SLC39A9: variants seen among roughly 807,000 people sequenced by gnomAD.
SLC39A9 encodes the protein zinc transporter ZIP9.
SLC39A9 carries 14 observed loss-of-function variants against 28.4 expected under a neutral mutation model. The ratio of observed to expected loss-of-function variants is 0.49; its 90% confidence interval spans 0.33 to 0.77. SLC39A9 has a LOEUF of 0.77. SLC39A9 is among the 30% of genes least tolerant of loss of function. The pLI is 0.02. For synonymous variants in SLC39A9, 119 were observed against 149.6 expected, an observed-to-expected ratio of 0.80 and a Z score of 1.49; for missense variants, 283 against 381.1, an observed-to-expected ratio of 0.74 and a Z score of 2.14.
Position 69,442,196 on chromosome 14 carries a change from C to G in SLC39A9, c.333C>G (p.Ser111=). The change falls in exon 3 of 7, where the codon TCC becomes TCG. Residue 111 remains serine (S), a synonymous_variant. Coordinates refer to ENST00000336643, the MANE Select transcript of SLC39A9 (RefSeq NM_018375.5). ...AGCTGCATGCCTATATTGGTGTTTCCCTCGTTCTGGGCTTCGTTTTCATGT... is the reference window on the plus strand; with the variant it reads ...AGCTGCATGCCTATATTGGTGTTTCGCTCGTTCTGGGCTTCGTTTTCATGT... ...HTQLHAYIGV[S]LVLGFVFMLL... 6.2e-7 allele frequency: 1 copy of G among 1,614,116 alleles called. No individual in the cohort carries two copies. The highest frequency in any genetic ancestry group is 8.5e-7 in the Non-Finnish European group (1 of 1,180,012).
At chr14:69,418,352 CT>C (rs893413013) in intron 1 of SLC39A9, among the ~76,000 whole-genome samples, 7 of 151,964 alleles carry the variant, frequency 4.6e-5, no homozygotes, top group Non-Finnish European at 7.4e-5. Flanking sequence ...TGATGTGCTG[CT>C]GCATTTGGTT....
chr14:69,457,169 GATATAC>G lies in SLC39A9; in HGVS notation c.694-1188_694-1183del, dbSNP rs554606508. Among the ~76,000 whole-genome samples, 42 of 143,532 alleles carry G rather than the reference GATATAC, an allele frequency of 2.9e-4. No individual in the cohort carries two copies. In the East Asian group the frequency reaches 8.0e-3, roughly 27 times the overall value. 94.2% of individuals were successfully genotyped at this position (143,532 alleles called of 152,430 possible). On this transcript the variant is annotated intron_variant, in intron 6 of 6. Transcript: ENST00000336643. ...TAGTTTTATAAAGATTAGCTTATGA[GATATAC>G]ATATATATACACACACACACACACA...
At chr14:69,447,483 A>C (rs1284727972) in intron 3 of SLC39A9, among the ~76,000 whole-genome samples, 1 of 152,206 alleles carries the variant, frequency 6.6e-6, no homozygotes, top group Non-Finnish European at 1.5e-5. Context: ...TTCAGTGGTT[A>C]CAGCACTGAA....
chr14:69,431,217 G>A (rs929792547), intron 2 of SLC39A9, among the ~76,000 whole-genome samples: 3 of 152,116 alleles, frequency 2.0e-5, no homozygotes, highest in African/African-American at 4.8e-5. Context: ...AATATTTCAT[G>A]TTTTTAGTAA....
chr14:69,461,225 G>A lies in SLC39A9; in HGVS notation c.*2632G>A. On this transcript the variant is annotated 3_prime_UTR_variant, in exon 7 of 7. Transcript: ENST00000336643. ...CCAAAGTTAATCTTAATTGCAATTT[G>A]ACTCCGTTTCCTTGGTAGGGATAGA... The A allele has an allele frequency of 1.1e-5, 11 of 987,434 alleles. No homozygotes were observed. Among genetic ancestry groups the A allele is most frequent in the Non-Finnish European group, 1.3e-5 (11 of 831,316 alleles). The allele number at this position is 987,434 out of a possible 1,614,324, so 61.2% of individuals were successfully genotyped here. A position where few individuals can be genotyped will look rare whatever the true frequency, so the allele number is the denominator to read the frequency against.
intron 2 of SLC39A9, among the ~76,000 whole-genome samples, chr14:69,440,802 T>G (rs1566920618): frequency 6.6e-6 from 1 of 152,094 alleles, no homozygotes; most frequent in African/African-American, 2.4e-5. Context: ...GCCTCCTGAG[T>G]AGCTGGGATT....
intron 1 of SLC39A9, among the ~76,000 whole-genome samples, chr14:69,418,270 T>C (rs1476709187): frequency 6.6e-6 from 1 of 152,132 alleles, no homozygotes; most frequent in Non-Finnish European, 1.5e-5. Flanking sequence ...ATTATGTTTA[T>C]TGATTTGCGT....
chr14:69,440,827 C>T (rs1450327523), intron 2 of SLC39A9, among the ~76,000 whole-genome samples: 2 of 152,178 alleles, frequency 1.3e-5, no homozygotes, highest in Non-Finnish European at 2.9e-5. Flanking sequence ...GCACGCGCCA[C>T]CGTGCCCAGC....
upstream of SLC39A9, chr14:69,398,553 G>A (rs1882436978): frequency 2.1e-6 from 1 of 485,420 alleles, no homozygotes; most frequent in South Asian, 2.3e-5. Flanking sequence ...CACCGGTATA[G>A]ACAGTGACAT....
At chr14:69,415,126 G>A (rs2140261984) in intron 1 of SLC39A9, among the ~76,000 whole-genome samples, 1 of 152,262 alleles carries the variant, frequency 6.6e-6, no homozygotes, top group South Asian at 2.1e-4. Context: ...TCTTGTACAA[G>A]TTTTTTGTGG....
At chr14:69,417,676 A>G (rs1883653173) in intron 1 of SLC39A9, among the ~76,000 whole-genome samples, 1 of 152,138 alleles carries the variant, frequency 6.6e-6, no homozygotes. Flanking sequence ...TTCTCCTTGA[A>G]GAGGTCCTTC....
intron 2 of SLC39A9, among the ~76,000 whole-genome samples, chr14:69,438,297 A>G (rs1215504340): frequency 6.6e-6 from 1 of 152,216 alleles, no homozygotes; most frequent in African/African-American, 2.4e-5. Flanking sequence ...CTGGGATTAC[A>G]GGCATGAGCC....
chr14:69,457,185 C>T (rs1275675), intron 6 of SLC39A9, among the ~76,000 whole-genome samples: 140,209 of 147,066 alleles, frequency 0.95, 66,848 homozygotes, highest in Middle Eastern at 0.98. Context: ...CATATATATA[C>T]ACACACACAC....
chr14:69,408,522 T>C lies in SLC39A9; in HGVS notation c.96+9057T>C, dbSNP rs572129354. On this transcript the variant is annotated intron_variant, in intron 1 of 6. Coordinates refer to ENST00000336643, the MANE Select transcript of SLC39A9 (RefSeq NM_018375.5). ...CTTCAGTGTCAGTGCCTGGGAGTCATTAGGGAGAAGTGAGAACTGTGGGCA... is the reference window on the plus strand; with the variant it reads ...CTTCAGTGTCAGTGCCTGGGAGTCACTAGGGAGAAGTGAGAACTGTGGGCA... Among the ~76,000 whole-genome samples, 253 of 152,290 alleles carry C rather than the reference T, an allele frequency of 1.7e-3. 1 individual carries two copies. Among genetic ancestry groups the C allele is most frequent in the Non-Finnish European group, 3.0e-3 (207 of 68,024 alleles).
At position 69,399,720 on chromosome 14, in the gene SLC39A9, A is replaced by G. The variant is rs576692120; in HGVS notation, c.96+255A>G. Among the ~76,000 whole-genome samples the G allele has an allele frequency of 2.0e-5, 3 of 152,324 alleles. No homozygotes were observed. The South Asian group carries it at 6.2e-4, about 32-fold the overall frequency. On this transcript the variant is annotated intron_variant, in intron 1 of 6. Coordinates refer to ENST00000336643, the MANE Select transcript of SLC39A9 (RefSeq NM_018375.5). ...TCTGAATCCCCTAGAATTGCTTACA[A>G]AAATTTGAGGTTCTGTGCATTTACC...
chr14:69,431,409 T>C (rs968416566), intron 2 of SLC39A9, among the ~76,000 whole-genome samples: 4 of 151,952 alleles, frequency 2.6e-5, no homozygotes, highest in African/African-American at 9.7e-5. Context: ...ATCTGCCTTT[T>C]TTTTTTTTTA....
upstream of SLC39A9, chr14:69,398,598 G>A (rs2056258113): frequency 6.5e-6 from 2 of 306,114 alleles, no homozygotes; most frequent in African/African-American, 2.2e-5. Flanking sequence ...CAAAAATGGC[G>A]GCAACGTAAG....
At chr14:69,457,497 G>T (rs1440058905) in intron 6 of SLC39A9, among the ~76,000 whole-genome samples, 1 of 151,408 alleles carries the variant, frequency 6.6e-6, no homozygotes, top group Non-Finnish European at 1.5e-5. Context: ...CACCACGCCC[G>T]GCTGCTTAAG....
chr14:69,412,281 C>T (rs1019776441), intron 1 of SLC39A9, among the ~76,000 whole-genome samples: 6 of 151,622 alleles, frequency 4.0e-5, no homozygotes, highest in East Asian at 2.0e-4. Context: ...CCCAGCTGCT[C>T]AGGAGGCTGA....
Sources: allele counts gnomAD v4.1 joint callset (sites outside exome capture counted in the v4.1 genomes callset), GRCh38; gene constraint gnomAD v4.1.1; transcripts MANE v1.5; gene names NCBI Gene and HGNC (gene_info 2026-07-23, HGNC 2026-07-21).